The following USP49 variants were observed in gnomAD, a reference collection of about 807,000 sequenced individuals.
USP49 encodes ubiquitin carboxyl-terminal hydrolase 49.
A neutral mutation model predicts 58.6 loss-of-function variants in USP49; 24 were observed. The ratio of observed to expected loss-of-function variants is 0.41; its 90% CI spans 0.30 to 0.58. USP49 has a LOEUF of 0.58. USP49 is among the 20% of genes least tolerant of loss of function. The pLI is 0.30. For missense variants in USP49, 703 were observed against 866.1 expected (o/e 0.81, Z 2.36); for synonymous variants, 408 against 365.1 (o/e 1.12, Z -1.34).
At chr6:41,855,846 G>C (rs1012310210) in intron 3 of USP49, among the ~76,000 whole-genome samples, 3 of 151,740 alleles carry the variant, frequency 2.0e-5, no homozygotes, top group Non-Finnish European at 4.4e-5. Context: ...TCAGGAGTTT[G>C]AGACCAGAAT....
chr6:41,808,711 C>T (rs1354766187), intron 3 of USP49, among the ~76,000 whole-genome samples: 1 of 151,384 alleles, frequency 6.6e-6, no homozygotes, highest in Non-Finnish European at 1.5e-5. Flanking sequence ...CGCCAGGCTG[C>T]TATACAACTA....
Position 41,852,353 on chromosome 6 carries a change from C to T in USP49, c.-29+19211G>A, listed in dbSNP as rs113053001. ...AAAAGAAAGAAAAAGAAAATCCTAA[C>T]GAGTTTGCAAAAAAATTGTTAGAAT... is the stretch of plus-strand genomic sequence containing the variant. On this transcript the variant is annotated intron_variant, in intron 3 of 7. Transcript: ENST00000682992. 7.8e-3 allele frequency among the ~76,000 whole-genome samples: 1,179 copies of T among 152,124 alleles called. 16 individuals are homozygous for T. Among genetic ancestry groups the T allele is most frequent in the African/African-American group, 0.026 (1,080 of 41,506 alleles).
intron 3 of USP49, among the ~76,000 whole-genome samples, chr6:41,844,208 G>T (rs552103953): frequency 6.6e-6 from 1 of 152,218 alleles, no homozygotes; most frequent in African/African-American, 2.4e-5. Flanking sequence ...GCAACAGAGC[G>T]AGACTCTGTC....
At chr6:41,822,094 GAA>G (rs1773462662) in intron 3 of USP49, among the ~76,000 whole-genome samples, 1 of 152,156 alleles carries the variant, frequency 6.6e-6, no homozygotes, top group Non-Finnish European at 1.5e-5. Flanking sequence ...TAGAGTAATA[GAA>G]TACTAGTGCT....
chr6:41,849,754 C>A (rs1408627118), intron 3 of USP49, among the ~76,000 whole-genome samples: 1 of 151,864 alleles, frequency 6.6e-6, no homozygotes, highest in African/African-American at 2.4e-5. Flanking sequence ...ATTACAGGCA[C>A]GCGCCGCCAC....
chr6:41,804,046 T>C, intron 4 of USP49, 36 bp from the exon 5 acceptor site: 1 of 1,564,378 alleles, frequency 6.4e-7, no homozygotes, highest in South Asian at 1.1e-5. Flanking sequence ...ATTATATAAC[T>C]TCCATGCTTC....
chr6:41,872,337 C>T (rs898283412), intron 2 of USP49, among the ~76,000 whole-genome samples: 38 of 152,312 alleles, frequency 2.5e-4, no homozygotes, highest in African/African-American at 7.5e-4. Context: ...AGTTCCTCTT[C>T]GAAGAAACTT....
chr6:41,797,936 T>C (rs1772915227), intron 7 of USP49: 1 of 576,624 alleles, frequency 1.7e-6, no homozygotes, highest in Non-Finnish European at 2.2e-6. Context: ...GGTGAAATCA[T>C]AGCTCATTGC....
At chr6:41,834,708 T>C (rs1266654752) in intron 3 of USP49, among the ~76,000 whole-genome samples, 1 of 152,228 alleles carries the variant, frequency 6.6e-6, no homozygotes, top group African/African-American at 2.4e-5. Flanking sequence ...CCCCTTCACC[T>C]TCCGCCATGA....
intron 3 of USP49, among the ~76,000 whole-genome samples, chr6:41,846,917 GAC>G (rs1561916268): frequency 6.6e-6 from 1 of 152,182 alleles, no homozygotes; most frequent in East Asian, 1.9e-4. Context: ...GAGTACAGAA[GAC>G]ACTGAAAACA....
chr6:41,866,795 C>T (rs1231151154), intron 3 of USP49, among the ~76,000 whole-genome samples: 5 of 152,082 alleles, frequency 3.3e-5, no homozygotes, highest in Admixed American at 1.3e-4. Flanking sequence ...CGTAAGAGAA[C>T]GAGGGTAGAA....
At chr6:41,807,559 G>A (rs1773164204) in intron 3 of USP49, among the ~76,000 whole-genome samples, 1 of 152,076 alleles carries the variant, frequency 6.6e-6, no homozygotes, top group Non-Finnish European at 1.5e-5. Context: ...TCCCACTTCA[G>A]CCTCCCGAGT....
chr6:41,803,681 A>T lies in USP49; in HGVS notation c.1561+125T>A. 1.9e-6 allele frequency: 2 copies of T among 1,049,320 alleles called. No individual in the cohort carries two copies. Among genetic ancestry groups the T allele is most frequent in the Non-Finnish European group, 2.8e-6 (2 of 722,558 alleles). The allele number at this position is 1,049,320 out of a possible 1,614,324, so 65.0% of individuals were successfully genotyped here. A position where few individuals can be genotyped will look rare whatever the true frequency, so the allele number is the denominator to read the frequency against. On this transcript the variant is annotated intron_variant, in intron 5 of 7. Transcript: ENST00000682992. The surrounding 1 kb of genome is among the most constrained non-coding windows in gnomAD (Gnocchi z 4.1). ...GAAAAATGGGAGAAAAAGATCTTTA[A>T]AAGATGCTTTAGAACCATTCAATAT...
intron 1 of USP49, among the ~76,000 whole-genome samples, chr6:41,892,787 A>C (rs1283113184): frequency 6.6e-6 from 1 of 152,244 alleles, no homozygotes; most frequent in Non-Finnish European, 1.5e-5. Flanking sequence ...CTGAGTGTAC[A>C]CAATGAAATA....
chr6:41,869,379 T>C (rs1307056372), intron 3 of USP49, among the ~76,000 whole-genome samples: 2 of 151,450 alleles, frequency 1.3e-5, no homozygotes, highest in Non-Finnish European at 2.9e-5. Flanking sequence ...AAATAAAAAA[T>C]AAAATAATTA....
Position 41,799,850 on chromosome 6 carries a change from C to T in USP49, c.1650G>A (p.Arg550=). The T allele has an allele frequency of 2.5e-6, 4 of 1,614,036 alleles. No homozygotes were observed. Among genetic ancestry groups the T allele is most frequent in the Non-Finnish European group, 3.4e-6 (4 of 1,179,940 alleles). ...LMIYRLPQVL[R]LHLKRFRWSG... ...CTCACCTGAATCTTTTAAGGTGCAGCCGGAGAACCTGAGGTAGTCTGTAGA... is the reference window on the plus strand; with the variant it reads ...CTCACCTGAATCTTTTAAGGTGCAGTCGGAGAACCTGAGGTAGTCTGTAGA... Residue 550 remains arginine, a synonymous_variant, in exon 6 of 8, where the codon CGG becomes CGA. Coordinates refer to ENST00000682992, the MANE Select transcript of USP49 (RefSeq NM_001286554.2).
chr6:41,862,742 A>G (rs1296708482), intron 3 of USP49, among the ~76,000 whole-genome samples: 1 of 152,206 alleles, frequency 6.6e-6, no homozygotes, highest in Non-Finnish European at 1.5e-5. Flanking sequence ...TATCTTTAAC[A>G]AACCATGAAA....
intron 3 of USP49, among the ~76,000 whole-genome samples, chr6:41,811,769 T>C (rs140283687): frequency 9.0e-4 from 137 of 152,324 alleles, no homozygotes; most frequent in African/African-American, 3.2e-3. Context: ...AAAGATGGAA[T>C]AGTAAATAAA....
At chr6:41,878,243 G>A (rs1774536905) in intron 2 of USP49, among the ~76,000 whole-genome samples, 1 of 152,204 alleles carries the variant, frequency 6.6e-6, no homozygotes, top group Admixed American at 6.5e-5. Context: ...CATCCCAGGT[G>A]TTCTGGGGCA....
Sources: allele counts gnomAD v4.1 joint callset (sites outside exome capture counted in the v4.1 genomes callset), GRCh38; gene constraint gnomAD v4.1.1; non-coding constraint Gnocchi (gnomAD v3.1); transcripts MANE v1.5; gene names NCBI Gene and HGNC (gene_info 2026-07-23, HGNC 2026-07-21).